LNX1: variants seen among roughly 807,000 people sequenced by gnomAD.
LNX1 encodes E3 ubiquitin-protein ligase LNX.
LNX1 carries 54 observed loss-of-function variants against 68.4 expected under a neutral mutation model. That is an observed-to-expected ratio of 0.79 (90% CI 0.63 to 0.99). The LOEUF (loss-of-function observed/expected upper bound fraction) is 0.99, where lower values mean the gene tolerates loss of function less well. Ranked by LOEUF, LNX1 falls within the 50% of genes least tolerant of loss-of-function variation. The pLI is 0.00. For synonymous variants in LNX1, 336 were observed against 350.0 expected, an observed-to-expected ratio of 0.96 and a Z score of 0.45; for missense variants, 906 against 926.4, an observed-to-expected ratio of 0.98 and a Z score of 0.29.
rs947475717 is a variant in LNX1, at chr4:53,545,899, G to A, written c.380+27724C>T. Among the ~76,000 whole-genome samples the A allele has an allele frequency of 7.5e-5, 11 of 147,292 alleles. No individual in the cohort carries two copies. In the East Asian group the frequency reaches 1.2e-3, roughly 16 times the overall value. On this transcript the variant is annotated intron_variant, in intron 2 of 10. Transcript: ENST00000263925. The stretch of plus-strand genomic sequence containing the variant: ...CTCAGCTCACTACAACCTCTGCCTC[G>A]CAGGTTCAAGCAATTCTCCCGCCTC...
At chr4:53,594,464 T>C (rs1283462751), upstream of LNX1, among the ~76,000 whole-genome samples, 1 of 151,982 alleles carries the variant, frequency 6.6e-6, no homozygotes, top group Non-Finnish European at 1.5e-5. Flanking sequence ...CAATGAAAAA[T>C]TAAGTTTCAT....
At chr4:53,626,713 A>G (rs1734088324) in intron 1 of LNX1, among the ~76,000 whole-genome samples, 1 of 152,220 alleles carries the variant, frequency 6.6e-6, no homozygotes, top group Non-Finnish European at 1.5e-5. Flanking sequence ...CAAACCAAAA[A>G]AAAGAAGGAA....
intron 4 of LNX1, among the ~76,000 whole-genome samples, chr4:53,499,804 G>A (rs1725348464): frequency 6.6e-6 from 1 of 152,186 alleles, no homozygotes; most frequent in East Asian, 1.9e-4. Flanking sequence ...TCAAGAAGAG[G>A]CCAAGGCCTA....
chr4:53,480,880 C>A (rs1020703628), intron 7 of LNX1, among the ~76,000 whole-genome samples: 5 of 152,084 alleles, frequency 3.3e-5, no homozygotes, highest in Non-Finnish European at 7.4e-5. Context: ...GAATGAGCTA[C>A]CTTTAAGAAT....
chr4:53,538,212 C>G (rs1317403497), intron 2 of LNX1, among the ~76,000 whole-genome samples: 3 of 152,194 alleles, frequency 2.0e-5, no homozygotes, highest in Non-Finnish European at 4.4e-5. Context: ...GTGGATTGCT[C>G]CTGTGGTTGG....
upstream of LNX1, among the ~76,000 whole-genome samples, chr4:53,622,387 C>T (rs994426620): frequency 2.0e-5 from 3 of 152,012 alleles, no homozygotes; most frequent in Admixed American, 1.3e-4. Context: ...GTCCCGGTGT[C>T]GCAGGAGTGA....
At chr4:53,513,423 T>C (rs1453301613) in intron 2 of LNX1, among the ~76,000 whole-genome samples, 1 of 152,102 alleles carries the variant, frequency 6.6e-6, no homozygotes, top group African/African-American at 2.4e-5. Context: ...GTGGGTTCCA[T>C]GCTTTCTCCC....
upstream of LNX1, among the ~76,000 whole-genome samples, chr4:53,617,703 G>A (rs969988679): frequency 6.6e-6 from 1 of 152,142 alleles, no homozygotes; most frequent in Non-Finnish European, 1.5e-5. Flanking sequence ...TGAAGTTAAG[G>A]CAAAAGGATT....
Position 53,591,443 on chromosome 4 carries a change from TC to T in LNX1, c.-143del. The stretch of plus-strand genomic sequence containing the variant: ...GCAGCAGCAGGCAGGCAGCTCTCAT[TC>T]CTTGTGGGTGAACCGAGCAGCTCCT... On this transcript the variant is annotated 5_prime_UTR_variant, in exon 1 of 11. Transcript: ENST00000263925. The T allele has an allele frequency of 1.0e-6, 1 of 985,650 alleles. No homozygotes were observed. Among genetic ancestry groups the T allele is most frequent in the Non-Finnish European group, 1.2e-6 (1 of 830,210 alleles). The allele number at this position is 985,650 out of a possible 1,614,324, so 61.1% of individuals were successfully genotyped here.
At chr4:53,503,452 C>A (rs181600291) in intron 4 of LNX1, among the ~76,000 whole-genome samples, 4 of 152,158 alleles carry the variant, frequency 2.6e-5, no homozygotes, top group Non-Finnish European at 5.9e-5. Flanking sequence ...ATTACTCTTG[C>A]GTCTCCATCG....
intron 4 of LNX1, chr4:53,501,972 C>A (rs1357141499): frequency 6.6e-6 from 1 of 152,194 alleles, no homozygotes; most frequent in Non-Finnish European, 1.5e-5. Context: ...TACAAGAGCT[C>A]CCAGGTGTGT....
chr4:53,498,760 A>C lies in LNX1; in HGVS notation c.859T>G (p.Ser287Ala), dbSNP rs762970381. Residue 287 changes from serine (S) to alanine (A), a missense_variant, in exon 5 of 11, where the codon TCT (serine) becomes GCT (alanine). By Grantham distance (99) the Ser-to-Ala change is moderately conservative (BLOSUM62 1). Transcript: ENST00000263925. The part of the protein sequence containing the change: ...INRVDPSESL[S>A]IRLVGGSETP... The stretch of plus-strand genomic sequence containing the variant: ...TCGCTACCTCCCACCAGCCTAATAG[A>C]GAGGCTTTCACTGGGATCTACTCGA... The C allele has an allele frequency of 1.9e-6, 3 of 1,613,688 alleles. No individual in the cohort carries two copies. Among genetic ancestry groups the C allele is most frequent in the African/African-American group, 2.7e-5 (2 of 74,896 alleles).
chr4:53,497,894 G>A (rs756291975), intron 5 of LNX1, among the ~76,000 whole-genome samples: 3 of 152,220 alleles, frequency 2.0e-5, no homozygotes, highest in Non-Finnish European at 4.4e-5. Flanking sequence ...CAGCAACCTA[G>A]AAGGGATGGG....
intron 7 of LNX1, 127 bp from the exon 8 acceptor site, chr4:53,478,869 A>C: frequency 2.3e-6 from 2 of 853,090 alleles, no homozygotes; most frequent in Non-Finnish European, 1.8e-6. Context: ...AAATTATGCA[A>C]AGTGCATAAA....
intron 2 of LNX1, among the ~76,000 whole-genome samples, chr4:53,513,120 C>A (rs1726483784): frequency 6.6e-6 from 1 of 151,338 alleles, no homozygotes. Context: ...TTTTTTAACT[C>A]AAAAACCGCC....
chr4:53,505,265 C>CT (rs556353878), intron 4 of LNX1, among the ~76,000 whole-genome samples: 71,937 of 147,524 alleles, frequency 0.49, 17,639 homozygotes, highest in Admixed American at 0.56. Flanking sequence ...TTCAAGATAA[C>CT]TTTTTTTTTT....
Position 53,609,771 on chromosome 4 carries a change from T to TAA in LNX1, c.-215+6745_-215+6746insTT, listed in dbSNP as rs1560692899. On this transcript the variant is annotated intron_variant, in intron 2 of 3. Transcript: ENST00000504299. ...ATTATATATAATATACTATTATATA[T>TAA]TATATATAATATATTATTTAAATAT... Among the ~76,000 whole-genome samples the TAA allele has an allele frequency of 2.0e-3, 290 of 142,172 alleles. 2 individuals carry two copies. Among genetic ancestry groups the TAA allele is most frequent in the Admixed American group, 0.012 (160 of 13,902 alleles). 93.3% of individuals were successfully genotyped at this position (142,172 alleles called of 152,430 possible). A position where few individuals can be genotyped will look rare whatever the true frequency, so the allele number is the denominator to read the frequency against.
intron 2 of LNX1, among the ~76,000 whole-genome samples, chr4:53,547,427 G>A (rs1250942000): frequency 6.6e-6 from 1 of 152,178 alleles, no homozygotes; most frequent in Non-Finnish European, 1.5e-5. Context: ...TAAGTAACCT[G>A]CCCAAGTTTG....
intron 4 of LNX1, among the ~76,000 whole-genome samples, chr4:53,504,642 C>A (rs1224782715): frequency 6.6e-6 from 1 of 152,236 alleles, no homozygotes; most frequent in Non-Finnish European, 1.5e-5. Flanking sequence ...CCTTAGCTTT[C>A]AATATGCCTT....
Sources: allele counts gnomAD v4.1 joint callset (sites outside exome capture counted in the v4.1 genomes callset), GRCh38; gene constraint gnomAD v4.1.1; transcripts MANE v1.5; gene names NCBI Gene and HGNC (gene_info 2026-07-23, HGNC 2026-07-21).